Variants in STS observed in about 807,000 individuals in gnomAD.
The protein encoded by STS is steroid sulfatase, also known as steryl-sulfatase.
A neutral mutation model predicts 26.8 loss-of-function variants in STS; 7 were observed. That is an observed-to-expected ratio of 0.26 (90% CI 0.15 to 0.49). STS has a LOEUF of 0.49. STS is among the 20% of genes least tolerant of loss of function. The pLI is 0.98. For synonymous variants in STS, 199 were observed against 189.4 expected (o/e 1.05, Z -0.42); for missense variants, 434 against 465.6 (o/e 0.93, Z 0.63).
intron 2 of STS, among the ~76,000 whole-genome samples, chrX:7,210,092 C>T (rs947209164): frequency 6.3e-5 from 7 of 111,596 alleles, no homozygotes; most frequent in African/African-American, 2.3e-4. Context: ...CATACATGTG[C>T]ATGTGTCTTT....
intron 10 of STS, among the ~76,000 whole-genome samples, chrX:7,340,674 A>C (rs899137542): frequency 1.8e-5 from 2 of 112,067 alleles, no homozygotes; most frequent in East Asian, 2.8e-4. Flanking sequence ...ATAAAAAAAA[A>C]CAGTAGTTTA....
At chrX:7,279,504 G>C (rs1387095179) in intron 7 of STS, among the ~76,000 whole-genome samples, 1 of 105,895 alleles carries the variant, frequency 9.4e-6, no homozygotes, top group Non-Finnish European at 1.9e-5. Flanking sequence ...GAGTTCTGTT[G>C]AGGGGCAATA....
At chrX:7,227,686 C>T (rs1307324494) in intron 2 of STS, among the ~76,000 whole-genome samples, 1 of 111,205 alleles carries the variant, frequency 9.0e-6, no homozygotes, top group Non-Finnish European at 1.9e-5. Flanking sequence ...GTCATTGTTC[C>T]ATGCAATATG....
At chrX:7,222,262 A>G (rs1321118887) in intron 2 of STS, among the ~76,000 whole-genome samples, 1 of 112,150 alleles carries the variant, frequency 8.9e-6, no homozygotes, top group Non-Finnish European at 1.9e-5. Flanking sequence ...CCAATGCAAG[A>G]ACCATTTTAA....
At chrX:7,321,849 T>A (rs989609683) in intron 8 of STS, among the ~76,000 whole-genome samples, 2 of 112,018 alleles carry the variant, frequency 1.8e-5, no homozygotes, top group African/African-American at 6.5e-5. Flanking sequence ...GCTGTCTTTG[T>A]CATGAAGGGT....
intron 10 of STS, among the ~76,000 whole-genome samples, chrX:7,334,859 T>C (rs1927936526): frequency 8.9e-6 from 1 of 112,596 alleles, no homozygotes; most frequent in Non-Finnish European, 1.9e-5. Context: ...GGATATCTTG[T>C]GGGTTTTCTA....
chrX:7,336,931 A>G (rs752444661), intron 10 of STS, among the ~76,000 whole-genome samples: 4 of 111,814 alleles, frequency 3.6e-5, no homozygotes, highest in African/African-American at 1.3e-4. Flanking sequence ...TAGGAGTGAG[A>G]AAAACAAGAC....
At chrX:7,253,475 T>C in intron 3 of STS, 139 bp downstream of exon 3, 2 of 841,821 alleles carry the variant, frequency 2.4e-6, no homozygotes, top group Non-Finnish European at 3.5e-6. Context: ...TTCATGTAGA[T>C]ACACTGAGAT....
intron 2 of STS, among the ~76,000 whole-genome samples, chrX:7,242,028 G>A (rs1379919689): frequency 3.6e-5 from 4 of 111,095 alleles, no homozygotes; most frequent in African/African-American, 9.8e-5. Flanking sequence ...GCCAGCAAGC[G>A]ATAGAGTTTG....
intron 7 of STS, among the ~76,000 whole-genome samples, chrX:7,279,359 ATATGTG>A (rs1260784592): frequency 3.6e-4 from 20 of 56,086 alleles, no homozygotes; most frequent in Non-Finnish European, 5.7e-4. Flanking sequence ...GTGTGTGTGT[ATATGTG>A]TGTGTGTGTG....
intron 7 of STS, among the ~76,000 whole-genome samples, chrX:7,278,462 G>A (rs1924645492): frequency 8.9e-6 from 1 of 112,250 alleles, no homozygotes; most frequent in African/African-American, 3.2e-5. Flanking sequence ...GTATAATTCT[G>A]TGGATCATCA....
At chrX:7,313,718 G>A (rs1926583872) in intron 8 of STS, among the ~76,000 whole-genome samples, 1 of 111,767 alleles carries the variant, frequency 8.9e-6, no homozygotes, top group African/African-American at 3.3e-5. Context: ...TAGCTGATAG[G>A]GTATAAAGGC....
At chrX:7,154,314 T>C (rs1933089651) in intron 1 of STS, among the ~76,000 whole-genome samples, 2 of 112,492 alleles carry the variant, frequency 1.8e-5, no homozygotes, top group South Asian at 7.3e-4. Context: ...TCACATCTTA[T>C]GCAAGTTGCT....
intron 6 of STS, among the ~76,000 whole-genome samples, chrX:7,274,509 C>A (rs370012993): frequency 3.6e-5 from 4 of 112,121 alleles, no homozygotes; most frequent in African/African-American, 1.3e-4. Context: ...AACTGAGACA[C>A]AGCACTAAAT....
At chrX:7,284,752 AAAATGT>A (rs1925043754) in intron 7 of STS, among the ~76,000 whole-genome samples, 1 of 112,433 alleles carries the variant, frequency 8.9e-6, no homozygotes, top group Non-Finnish European at 1.9e-5. Context: ...AATTTCATGT[AAAATGT>A]AAATGTAAAG....
At chrX:7,268,585 G>T (rs183541788) in intron 6 of STS, among the ~76,000 whole-genome samples, 1 of 111,821 alleles carries the variant, frequency 8.9e-6, no homozygotes, top group Non-Finnish European at 1.9e-5. Flanking sequence ...CAATATACAG[G>T]GACACACACA....
chrX:7,324,596 A>G (rs757978825), intron 8 of STS, among the ~76,000 whole-genome samples: 5 of 111,429 alleles, frequency 4.5e-5, no homozygotes, highest in Admixed American at 9.6e-5. Flanking sequence ...TATGGCTACA[A>G]ACAGTCTGTT....
intron 7 of STS, among the ~76,000 whole-genome samples, chrX:7,304,482 C>T (rs1489297691): frequency 9.0e-6 from 1 of 111,038 alleles, no homozygotes; most frequent in African/African-American, 3.3e-5. Flanking sequence ...GAATAACTCC[C>T]GGTTATTCCT....
intron 1 of STS, among the ~76,000 whole-genome samples, chrX:7,174,513 C>T (rs1178991873): frequency 1.8e-5 from 2 of 111,572 alleles, no homozygotes; most frequent in Non-Finnish European, 3.8e-5. Context: ...TATTTTGGGT[C>T]GAACCCTAAA....
Sources: allele counts gnomAD v4.1 joint callset (sites outside exome capture counted in the v4.1 genomes callset), GRCh38; gene constraint gnomAD v4.1.1; transcripts MANE v1.5; gene names NCBI Gene and HGNC (gene_info 2026-07-23, HGNC 2026-07-21).